The following MCUB variants were observed in gnomAD, a reference collection of about 807,000 sequenced individuals.
The protein encoded by MCUB is mitochondrial calcium uniporter dominant negative subunit beta.
Under a neutral mutation model 41.4 loss-of-function variants are expected in MCUB, and 46 were observed. The observed-to-expected ratio is 1.11, with a 90% CI of 0.88 to 1.42. MCUB has a LOEUF of 1.42. Among genes scored for constraint, MCUB ranks in the 40% most tolerant of loss-of-function variants. The pLI is 0.00. For missense variants in MCUB, 403 were observed against 404.9 expected, an observed-to-expected ratio of 1.00 and a Z score of 0.04; for synonymous variants, 148 against 148.2, an observed-to-expected ratio of 1.00 and a Z score of 0.01.
intron 2 of MCUB, 24 bp downstream of exon 2, chr4:109,659,110 G>T: frequency 8.2e-7 from 1 of 1,218,730 alleles, no homozygotes; most frequent in Non-Finnish European, 1.2e-6. Flanking sequence ...CCATTTATTT[G>T]ATTCATATGT....
chr4:109,577,536 A>G (rs1727059165), intron 1 of MCUB, among the ~76,000 whole-genome samples: 1 of 151,768 alleles, frequency 6.6e-6, no homozygotes, highest in Non-Finnish European at 1.5e-5. Flanking sequence ...ACTTAATTGA[A>G]GTAGAGCTTT....
intron 1 of MCUB, among the ~76,000 whole-genome samples, chr4:109,637,968 TGGTTCCAG>T (rs1210687275): frequency 6.6e-6 from 1 of 152,242 alleles, no homozygotes; most frequent in Non-Finnish European, 1.5e-5. Context: ...ATTGCAGGTT[TGGTTCCAG>T]ACCACTACAG....
At chr4:109,613,207 G>A (rs558136436) in intron 1 of MCUB, among the ~76,000 whole-genome samples, 5 of 152,286 alleles carry the variant, frequency 3.3e-5, no homozygotes, top group Non-Finnish European at 7.4e-5. Flanking sequence ...GGAGTAGAAA[G>A]TAGAGGGACA....
At chr4:109,638,497 T>G (rs568367394) in intron 1 of MCUB, among the ~76,000 whole-genome samples, 1 of 152,278 alleles carries the variant, frequency 6.6e-6, no homozygotes, top group South Asian at 2.1e-4. Flanking sequence ...AGTCATCTTT[T>G]TGCTGCTAGA....
chr4:109,663,589 T>A (rs1403274724), intron 3 of MCUB, among the ~76,000 whole-genome samples: 1 of 151,878 alleles, frequency 6.6e-6, no homozygotes, highest in Non-Finnish European at 1.5e-5. Flanking sequence ...TTTTTCAAGC[T>A]TGAAAGGAAG....
rs76116512 is a variant in MCUB, at chr4:109,681,672, G to T, written c.452-910G>T. ...TTAGGACAAACCCAGGCACTTAGCCGTGCAGGAACAAATGGCAAGCCTTTA... is the reference window on the plus strand; with the variant it reads ...TTAGGACAAACCCAGGCACTTAGCCTTGCAGGAACAAATGGCAAGCCTTTA... On this transcript the variant is annotated intron_variant, in intron 4 of 7. Transcript: ENST00000394650. Among the ~76,000 whole-genome samples, 1,377 of 152,318 alleles carry T rather than the reference G, an allele frequency of 9.0e-3. 30 individuals carry two copies. Among genetic ancestry groups the T allele is most frequent in the African/African-American group, 0.031 (1,273 of 41,578 alleles).
intron 1 of MCUB, among the ~76,000 whole-genome samples, chr4:109,577,894 G>A (rs1354003693): frequency 3.5e-5 from 1 of 28,582 alleles, no homozygotes; most frequent in African/African-American, 1.1e-4. Context: ...ACAGGTGTGA[G>A]CCACCGCGCC....
intron 1 of MCUB, chr4:109,648,620 T>C (rs1445159781): frequency 6.7e-6 from 3 of 451,030 alleles, no homozygotes; most frequent in Non-Finnish European, 1.3e-5. Context: ...CAAAATGCAG[T>C]TTTTGTTAGG....
At chr4:109,684,110 T>C (rs1417569378) in intron 5 of MCUB, among the ~76,000 whole-genome samples, 1 of 144,816 alleles carries the variant, frequency 6.9e-6, no homozygotes, top group African/African-American at 2.9e-5. Flanking sequence ...TCGCCCAGGC[T>C]GGAGTGCAGT....
intron 1 of MCUB, among the ~76,000 whole-genome samples, chr4:109,623,269 G>GT: frequency 6.6e-6 from 1 of 152,336 alleles, no homozygotes; most frequent in East Asian, 1.9e-4. Flanking sequence ...TCATGTGGAT[G>GT]TAAGACCAGA....
At chr4:109,649,751 T>TAAAATA (rs78398525) in intron 1 of MCUB, among the ~76,000 whole-genome samples, 106,177 of 151,290 alleles carry the variant, frequency 0.7, 37,922 homozygotes, top group African/African-American at 0.83. Context: ...TATGATTTTT[T>TAAAATA]AAAATAGAAA....
intron 1 of MCUB, among the ~76,000 whole-genome samples, chr4:109,582,538 TA>T (rs546583248): frequency 1.0e-4 from 13 of 129,238 alleles, no homozygotes; most frequent in Admixed American, 1.7e-4. Context: ...TAATAAAATT[TA>T]AAAAAAAAAT....
chr4:109,630,490 A>T (rs1195608691), intron 1 of MCUB, among the ~76,000 whole-genome samples: 1 of 151,466 alleles, frequency 6.6e-6, no homozygotes, highest in Non-Finnish European at 1.5e-5. Context: ...CATTATCTAA[A>T]TTTTTTTTTC....
intron 1 of MCUB, among the ~76,000 whole-genome samples, chr4:109,639,515 CT>C (rs1728669660): frequency 6.6e-6 from 1 of 151,982 alleles, no homozygotes; most frequent in African/African-American, 2.4e-5. Context: ...TGGTAAAATC[CT>C]GTCTCTACTA....
intron 1 of MCUB, among the ~76,000 whole-genome samples, chr4:109,585,201 A>G (rs1305528000): frequency 6.6e-6 from 1 of 152,148 alleles, no homozygotes; most frequent in Non-Finnish European, 1.5e-5. Flanking sequence ...CCATTAGGCA[A>G]TGGCCTTCTT....
At chr4:109,593,952 T>C (rs1727496865) in intron 1 of MCUB, among the ~76,000 whole-genome samples, 1 of 152,244 alleles carries the variant, frequency 6.6e-6, no homozygotes, top group Admixed American at 6.5e-5. Context: ...GGATGCTATA[T>C]AGTCCAGTCA....
intron 4 of MCUB, among the ~76,000 whole-genome samples, 163 bp downstream of exon 4, chr4:109,664,557 T>TG (rs1278563492): frequency 6.6e-6 from 1 of 152,084 alleles, no homozygotes; most frequent in African/African-American, 2.4e-5. Flanking sequence ...CCAGAGTAGC[T>TG]GGGACTACCT....
At chr4:109,617,866 A>G (rs1318923635) in intron 1 of MCUB, among the ~76,000 whole-genome samples, 1 of 152,198 alleles carries the variant, frequency 6.6e-6, no homozygotes, top group East Asian at 1.9e-4. Context: ...ACTTTAGGTA[A>G]AGATGTTCTC....
chr4:109,584,083 C>T (rs1561216779), intron 1 of MCUB, among the ~76,000 whole-genome samples: 1 of 152,082 alleles, frequency 6.6e-6, no homozygotes, highest in East Asian at 1.9e-4. Flanking sequence ...TGGTCCTGGA[C>T]TTTTTTTGGT....
Sources: gnomAD v4.1 joint callset for allele counts (sites outside exome capture counted in the v4.1 genomes callset) on GRCh38, gnomAD v4.1.1 for gene constraint, MANE v1.5 for transcripts, NCBI Gene and HGNC (gene_info 2026-07-23, HGNC 2026-07-21) for gene names.